Variants in NAALADL2 observed in about 807,000 individuals in gnomAD.
The protein encoded by NAALADL2 is N-acetylated alpha-linked acidic dipeptidase like 2, also known as inactive N-acetylated-alpha-linked acidic dipeptidase-like protein 2.
NAALADL2 carries 76 observed loss-of-function variants against 87.2 expected under a neutral mutation model. The ratio of observed to expected loss-of-function variants is 0.87; its 90% CI spans 0.72 to 1.05. NAALADL2 has a LOEUF of 1.05. NAALADL2 is among the 50% of genes least tolerant of loss of function. The pLI is 0.00. For missense variants in NAALADL2, 1,089 were observed against 945.8 expected (o/e 1.15, Z -1.99); for synonymous variants, 354 against 331.0 (o/e 1.07, Z -0.75).
intron 2 of NAALADL2, among the ~76,000 whole-genome samples, chr3:174,732,059 G>A (rs926490964): frequency 6.6e-6 from 1 of 152,148 alleles, no homozygotes; most frequent in Non-Finnish European, 1.5e-5. Context: ...AAATTTGGCT[G>A]ATAGACCATA....
intron 3 of NAALADL2, among the ~76,000 whole-genome samples, chr3:174,827,332 T>C (rs556182670): frequency 6.6e-6 from 1 of 152,164 alleles, no homozygotes; most frequent in Non-Finnish European, 1.5e-5. Flanking sequence ...TGGGTCTCAG[T>C]GCGTTAAGGT....
chr3:175,285,562 T>C (rs891900639), intron 4 of NAALADL2, among the ~76,000 whole-genome samples: 2 of 152,186 alleles, frequency 1.3e-5, no homozygotes. Context: ...AGTTTGTTGA[T>C]AGGAAATTAG....
intron 3 of NAALADL2, among the ~76,000 whole-genome samples, chr3:174,737,903 A>G: frequency 6.6e-6 from 1 of 152,128 alleles, no homozygotes; most frequent in Admixed American, 6.5e-5. Flanking sequence ...TATGTATTCC[A>G]ATTTTTATTT....
intron 1 of NAALADL2, among the ~76,000 whole-genome samples, chr3:174,898,757 A>G (rs1485400769): frequency 4.6e-5 from 7 of 151,638 alleles, no homozygotes; most frequent in African/African-American, 1.7e-4. Flanking sequence ...GTGACCTTCA[A>G]TAATTAGATA....
chr3:174,615,679 C>G (rs561096089), intron 2 of NAALADL2, among the ~76,000 whole-genome samples: 1 of 152,084 alleles, frequency 6.6e-6, no homozygotes, highest in African/African-American at 2.4e-5. Flanking sequence ...TTTTCTCTCG[C>G]TCTCCCTCTT....
chr3:175,456,567 T>G (rs910028389), intron 6 of NAALADL2, among the ~76,000 whole-genome samples: 3 of 152,168 alleles, frequency 2.0e-5, no homozygotes, highest in South Asian at 2.1e-4. Flanking sequence ...TTTTAAATCT[T>G]GAAATAAATG....
chr3:175,538,247 A>G (rs1361934865), intron 9 of NAALADL2, among the ~76,000 whole-genome samples: 1 of 152,114 alleles, frequency 6.6e-6, no homozygotes, highest in Admixed American at 6.6e-5. Context: ...AAATTCTGAC[A>G]TTAGAATATT....
chr3:174,997,059 T>TATATATA (rs781388661), intron 1 of NAALADL2, among the ~76,000 whole-genome samples: 2 of 138,002 alleles, frequency 1.4e-5, no homozygotes, highest in African/African-American at 6.0e-5. Flanking sequence ...TATATATATA[T>TATATATA]TTTTTTTTTT....
intron 2 of NAALADL2, among the ~76,000 whole-genome samples, chr3:174,585,155 G>A (rs1716565048): frequency 1.3e-5 from 2 of 152,098 alleles, no homozygotes; most frequent in African/African-American, 4.8e-5. Flanking sequence ...TAAGGTCAGA[G>A]CTGTACTGTA....
intron 5 of NAALADL2, among the ~76,000 whole-genome samples, chr3:175,376,205 C>A (rs1767100152): frequency 6.6e-6 from 1 of 152,048 alleles, no homozygotes; most frequent in African/African-American, 2.4e-5. Context: ...TCAATTTCTT[C>A]ATTTCTTTTC....
At chr3:175,245,776 A>G (rs80331324) in intron 3 of NAALADL2, among the ~76,000 whole-genome samples, 1,616 of 152,332 alleles carry the variant, frequency 0.011, 26 homozygotes, top group African/African-American at 0.038. Context: ...TGAATTCTGC[A>G]GGAATGCACC....
At chr3:174,929,205 G>A (rs1247981918) in intron 1 of NAALADL2, among the ~76,000 whole-genome samples, 3 of 152,196 alleles carry the variant, frequency 2.0e-5, no homozygotes, top group African/African-American at 2.4e-5. Context: ...TGGAGCAGAG[G>A]AGAGCGGGGC....
chr3:175,264,367 G>A (rs1272768928), intron 4 of NAALADL2, among the ~76,000 whole-genome samples: 1 of 151,686 alleles, frequency 6.6e-6, no homozygotes, highest in Admixed American at 6.6e-5. Flanking sequence ...TATATATGAA[G>A]CCCTTAATAT....
intron 1 of NAALADL2, among the ~76,000 whole-genome samples, chr3:174,457,976 G>A (rs891058864): frequency 2.6e-5 from 4 of 152,036 alleles, no homozygotes; most frequent in Non-Finnish European, 5.9e-5. Flanking sequence ...TGACAGACAC[G>A]TGGGCCTATT....
At chr3:174,740,939 G>T (rs993545773) in intron 3 of NAALADL2, among the ~76,000 whole-genome samples, 1 of 151,652 alleles carries the variant, frequency 6.6e-6, no homozygotes, top group East Asian at 1.9e-4. Flanking sequence ...CAATAAATTT[G>T]ATTTATCTCA....
chr3:174,969,143 T>C (rs1017788377), intron 1 of NAALADL2, among the ~76,000 whole-genome samples: 2 of 152,194 alleles, frequency 1.3e-5, no homozygotes, highest in African/African-American at 4.8e-5. Flanking sequence ...TTTGGCTTTT[T>C]CTTTGAATTT....
rs189450635 is a variant in NAALADL2 at position 175,217,136 on chromosome 3, G to A, written c.546-16795G>A. 2.5e-3 allele frequency among the ~76,000 whole-genome samples: 384 copies of A among 152,198 alleles called. 4 individuals are homozygous for A. The highest frequency in any genetic ancestry group is 0.01 in the Middle Eastern group (3 of 294). ...TGGATGGCAACATAATTGAATTAAT[G>A]AAAAAAGAACAATTTTATTCACTTC... is the stretch of plus-strand genomic sequence containing the variant. On this transcript the variant is annotated intron_variant, in intron 2 of 13. Transcript: ENST00000454872.
intron 1 of NAALADL2, among the ~76,000 whole-genome samples, chr3:175,004,699 TTTC>T (rs1427272631): frequency 6.6e-6 from 1 of 152,156 alleles, no homozygotes; most frequent in East Asian, 1.9e-4. Flanking sequence ...ACACTTTTGA[TTTC>T]TGATGGTTCA....
chr3:174,689,349 A>G (rs1199936908), intron 2 of NAALADL2, among the ~76,000 whole-genome samples: 3 of 151,050 alleles, frequency 2.0e-5, no homozygotes, highest in Admixed American at 1.3e-4. Flanking sequence ...AAGAATACCA[A>G]TTGTTTCATG....
Sources: gnomAD v4.1 joint callset for allele counts (sites outside exome capture counted in the v4.1 genomes callset) on GRCh38, gnomAD v4.1.1 for gene constraint, MANE v1.5 for transcripts, NCBI Gene and HGNC (gene_info 2026-07-23, HGNC 2026-07-21) for gene names.